NR5A2: variants seen among roughly 807,000 people sequenced by gnomAD.
NR5A2 encodes CYP7A promoter-binding factor.
NR5A2 carries 26 observed loss-of-function variants against 62.7 expected under a neutral mutation model. The ratio of observed to expected loss-of-function variants is 0.41; its 90% confidence interval spans 0.30 to 0.58. NR5A2 has a LOEUF of 0.58. Among genes scored for constraint, NR5A2 ranks in the 20% least tolerant of loss-of-function variants. NR5A2 has a pLI of 0.22. For missense variants in NR5A2, 541 were observed against 669.1 expected, an observed-to-expected ratio of 0.81 and a Z score of 2.11; for synonymous variants, 246 against 241.7, an observed-to-expected ratio of 1.02 and a Z score of -0.16.
rs1665930148 is a variant in NR5A2, at chr1:200,111,261, C to T, written c.1170C>T (p.His390=). 6.2e-7 allele frequency: 1 copy of T among 1,610,898 alleles called. No individual in the cohort carries two copies. The highest frequency in any genetic ancestry group is 8.5e-7 in the Non-Finnish European group (1 of 1,179,382). The stretch of plus-strand genomic sequence containing the variant: ...GGAGTGAGCTCTTAATCCTCGACCA[C>T]ATTTACCGACAAGTGGTACATGGAA... The part of the protein sequence containing the change: ...NCWSELLILD[H]IYRQVVHGKE... Residue 390 remains histidine, a synonymous_variant, in exon 6 of 8, where the codon CAC becomes CAT. Coordinates refer to ENST00000367362, the MANE Select transcript of NR5A2 (RefSeq NM_205860.3).
intron 7 of NR5A2, among the ~76,000 whole-genome samples, chr1:200,171,045 G>A (rs181385000): frequency 2.6e-4 from 39 of 152,232 alleles, no homozygotes; most frequent in Non-Finnish European, 2.8e-4. Flanking sequence ...AGGAGCTTAC[G>A]GTCTGCATAG....
Position 200,147,972 on chromosome 1 carries a change from G to T in NR5A2, c.1379-25991G>T. The stretch of plus-strand genomic sequence containing the variant: ...TGCCCTGTGGTAGGCGATGCATCGG[G>T]CGGCCGCCTTGACCTCCTCCCGCGA... On this transcript the variant is annotated intron_variant, in intron 7 of 7. Transcript: ENST00000367362. The surrounding 1 kb of genome is among the most constrained non-coding windows in gnomAD (Gnocchi z 4.9). 1 of 321,492 alleles carries T rather than the reference G, an allele frequency of 3.1e-6. No homozygotes were observed. The highest frequency in any genetic ancestry group is 5.9e-6 in the Non-Finnish European group (1 of 170,734). The allele number at this position is 321,492 out of a possible 1,614,324, so 19.9% of individuals were successfully genotyped here.
intron 5 of NR5A2, among the ~76,000 whole-genome samples, chr1:200,101,062 T>A (rs976466771): frequency 2.0e-5 from 3 of 152,226 alleles, no homozygotes; most frequent in Non-Finnish European, 4.4e-5. Flanking sequence ...TGTAAACTGC[T>A]TCCAAATCTT....
intron 5 of NR5A2, among the ~76,000 whole-genome samples, chr1:200,081,871 T>A (rs1033528999): frequency 6.6e-6 from 1 of 151,892 alleles, no homozygotes; most frequent in Non-Finnish European, 1.5e-5. Flanking sequence ...TGACACTTTG[T>A]ATTTTTACGT....
chr1:200,070,656 G>C lies in NR5A2; in HGVS notation c.1110+21838G>C, dbSNP rs181656070. Among the ~76,000 whole-genome samples, 5 of 146,922 alleles carry C rather than the reference G, an allele frequency of 3.4e-5. No individual in the cohort carries two copies. The East Asian group carries it at 1.0e-3, about 29-fold the overall frequency. ...GATTGCACCACTGCACTCCAGCCTA[G>C]GTGACAGAGTGAGACTCTGTCTCAA... On this transcript the variant is annotated intron_variant, in intron 5 of 7. Transcript: ENST00000367362.
intron 5 of NR5A2, among the ~76,000 whole-genome samples, chr1:200,065,808 A>G (rs78764822): frequency 0.017 from 2,661 of 152,312 alleles, 87 homozygotes; most frequent in African/African-American, 0.06. Flanking sequence ...ATAACAAGAA[A>G]GAAAACAGCC....
chr1:200,163,582 A>G (rs1571579465), intron 7 of NR5A2, among the ~76,000 whole-genome samples: 1 of 152,070 alleles, frequency 6.6e-6, no homozygotes, highest in East Asian at 1.9e-4. Flanking sequence ...CCTGGGATCA[A>G]GTGATTCTCC....
At chr1:200,170,090 C>T (rs929678214) in intron 7 of NR5A2, among the ~76,000 whole-genome samples, 1 of 152,042 alleles carries the variant, frequency 6.6e-6, no homozygotes, top group Non-Finnish European at 1.5e-5. Context: ...AATCATTTGT[C>T]TAGATTTTGG....
At chr1:200,118,419 A>G (rs978108218) in intron 6 of NR5A2, among the ~76,000 whole-genome samples, 11 of 152,222 alleles carry the variant, frequency 7.2e-5, no homozygotes, top group Non-Finnish European at 1.5e-4. Context: ...TGTCCCATCT[A>G]TGATTCTTGA....
At chr1:200,038,586 T>G in intron 1 of NR5A2, 2 of 638,526 alleles carry the variant, frequency 3.1e-6, no homozygotes, top group Non-Finnish European at 2.6e-6. Flanking sequence ...TCAGCTAAAT[T>G]TTCTCCTTTC....
chr1:200,063,511 A>G (rs753368066), intron 5 of NR5A2, among the ~76,000 whole-genome samples: 7 of 152,182 alleles, frequency 4.6e-5, no homozygotes, highest in Non-Finnish European at 8.8e-5. Flanking sequence ...GATGAGTGTT[A>G]TTGAAGGAGT....
intron 7 of NR5A2, among the ~76,000 whole-genome samples, chr1:200,127,695 AAAAAAAAAAAAAAAATATATAT>A (rs1247531576): frequency 1.3e-5 from 1 of 78,798 alleles, no homozygotes. Context: ...AAAAAAAAAA[AAAAAAAAAAAAAAAATATATAT>A]ATATATATAT....
chr1:200,147,015 G>C lies in NR5A2; in HGVS notation c.1378+26060G>C, dbSNP rs1667734433. Among the ~76,000 whole-genome samples the C allele has an allele frequency of 6.6e-6, 1 of 150,724 alleles. No individual in the cohort carries two copies. The highest frequency in any genetic ancestry group is 6.6e-5 in the Admixed American group (1 of 15,152). ...TTTATTCACTGAAACCAATAAAAGA[G>C]TTGAACACAGCAAAACTTGGAACAA... On this transcript the variant is annotated intron_variant, in intron 7 of 7. Transcript: ENST00000367362. The surrounding 1 kb of genome is among the most constrained non-coding windows in gnomAD (Gnocchi z 4.9).
intron 7 of NR5A2, among the ~76,000 whole-genome samples, chr1:200,168,260 G>A (rs1480970430): frequency 6.7e-6 from 1 of 149,734 alleles, no homozygotes; most frequent in East Asian, 1.9e-4. Context: ...TGCCCAGGCT[G>A]GAGTGCAGTG....
At chr1:200,075,538 A>G (rs991053919) in intron 5 of NR5A2, among the ~76,000 whole-genome samples, 2 of 152,274 alleles carry the variant, frequency 1.3e-5, no homozygotes, top group African/African-American at 4.8e-5. Flanking sequence ...TTAGACTTTC[A>G]TTAAAACTAA....
At chr1:200,110,344 G>A (rs1210393433) in intron 5 of NR5A2, among the ~76,000 whole-genome samples, 3 of 152,116 alleles carry the variant, frequency 2.0e-5, no homozygotes, top group Non-Finnish European at 2.9e-5. Context: ...CTATAGAAAT[G>A]GATAAATATG....
chr1:200,091,697 A>ATGG (rs1664824365), intron 5 of NR5A2, among the ~76,000 whole-genome samples: 1 of 151,750 alleles, frequency 6.6e-6, no homozygotes, highest in Non-Finnish European at 1.5e-5. Context: ...GTTGGTGAGG[A>ATGG]TGGTCTTGAT....
In NR5A2 at chr1:200,039,576, G is replaced by A; in HGVS notation, c.65-82G>A. ...AGGAGGCGGAGGCACGCTCCGGCGA[G>A]GCGAGAGGGTTGGGTTAGCAGGCAT... On this transcript the variant is annotated intron_variant, in intron 1 of 7. Transcript: ENST00000367362. The surrounding 1 kb of genome is among the most constrained non-coding windows in gnomAD (Gnocchi z 5.1). The A allele has an allele frequency of 6.3e-7, 1 of 1,584,686 alleles. No homozygotes were observed. Among genetic ancestry groups the A allele is most frequent in the African/African-American group, 1.4e-5 (1 of 72,484 alleles).
chr1:200,101,536 A>T lies in NR5A2; in HGVS notation c.1111-9666A>T, dbSNP rs554174980. ...GTTGAGCACAACTCTTAAGGGAAGT[A>T]TGGGAAAGCTAACCCAGGAGTGGCA... On this transcript the variant is annotated intron_variant, in intron 5 of 7. Coordinates refer to ENST00000367362, the MANE Select transcript of NR5A2 (RefSeq NM_205860.3). 1.8e-4 allele frequency among the ~76,000 whole-genome samples: 27 copies of T among 152,320 alleles called. 1 individual carries two copies. In the South Asian group the frequency reaches 3.1e-3, roughly 18 times the overall value.
Sources: gnomAD v4.1 joint callset for allele counts (sites outside exome capture counted in the v4.1 genomes callset) on GRCh38, gnomAD v4.1.1 for gene constraint, Gnocchi (gnomAD v3.1) non-coding constraint, MANE v1.5 for transcripts, NCBI Gene and HGNC (gene_info 2026-07-23, HGNC 2026-07-21) for gene names.